Variants in SMARCA2 observed in about 807,000 individuals in gnomAD.
SMARCA2 encodes SWI/SNF-related matrix-associated actin-dependent regulator of chromatin subfamily A member 2.
Under a neutral mutation model 199.8 loss-of-function variants are expected in SMARCA2, and 61 were observed. The ratio of observed to expected loss-of-function variants is 0.31; its 90% confidence interval spans 0.25 to 0.38. The LOEUF (loss-of-function observed/expected upper bound fraction) is 0.38. Among genes scored for constraint, SMARCA2 ranks in the 10% least tolerant of loss-of-function variants. SMARCA2 has a pLI of 1.00. For synonymous variants in SMARCA2, 935 were observed against 732.0 expected (o/e 1.28, Z -4.48); for missense variants, 1,344 against 2,012.2 (o/e 0.67, Z 6.35).
intron 27 of SMARCA2, among the ~76,000 whole-genome samples, chr9:2,133,647 A>T (rs1474089536): frequency 7.8e-5 from 10 of 128,004 alleles, no homozygotes; most frequent in South Asian, 7.0e-4. Flanking sequence ...GTCAGGATTT[A>T]AAAAAAAAAA....
Position 2,169,762 on chromosome 9 carries a change from G to A in SMARCA2, c.4200-657G>A, listed in dbSNP as rs2129716065. Among the ~76,000 whole-genome samples the A allele has an allele frequency of 6.6e-6, 1 of 152,166 alleles. No individual in the cohort carries two copies. The highest frequency in any genetic ancestry group is 1.9e-4 in the East Asian group (1 of 5,196). On this transcript the variant is annotated intron_variant, in intron 28 of 33. Transcript: ENST00000349721. This position sits in a 1 kb window ranked among gnomAD's most constrained non-coding sequence, Gnocchi z 6.5. ...CACAAAAAGGGACACCAACCTAGCA[G>A]TTTCAAAAATCCTCAACTGAAGAGG...
chr9:2,058,031 T>C (rs1586657362), intron 7 of SMARCA2: 2 of 297,316 alleles, frequency 6.7e-6, no homozygotes, highest in East Asian at 1.1e-4. Context: ...TCCATTCTCA[T>C]GTGGCCACAC....
chr9:2,047,508 G>T, intron 5 of SMARCA2, 24 bp downstream of exon 5: 1 of 1,371,250 alleles, frequency 7.3e-7, no homozygotes, highest in Non-Finnish European at 9.5e-7. Flanking sequence ...CCAGCAAGGG[G>T]CCCCCTGCGG....
chr9:2,031,321 A>T (rs1438029955), intron 2 of SMARCA2, among the ~76,000 whole-genome samples: 2 of 152,228 alleles, frequency 1.3e-5, no homozygotes, highest in African/African-American at 2.4e-5. Flanking sequence ...ACATATTGAC[A>T]TCCAAGTCCT....
intron 9 of SMARCA2, among the ~76,000 whole-genome samples, chr9:2,064,551 G>C (rs1820744663): frequency 6.6e-6 from 1 of 152,170 alleles, no homozygotes; most frequent in African/African-American, 2.4e-5. Flanking sequence ...AACCTTTACT[G>C]CATATTCTTT....
At chr9:2,139,581 C>T (rs1824369364) in intron 27 of SMARCA2, among the ~76,000 whole-genome samples, 1 of 152,116 alleles carries the variant, frequency 6.6e-6, no homozygotes, top group African/African-American at 2.4e-5. Context: ...TTTTTATTTG[C>T]TGCCATTTTA....
chr9:2,038,361 C>G (rs1393415113), intron 3 of SMARCA2, among the ~76,000 whole-genome samples: 1 of 152,096 alleles, frequency 6.6e-6, no homozygotes, highest in Non-Finnish European at 1.5e-5. Flanking sequence ...CTTGATTCCC[C>G]TTACCATTTC....
intron 27 of SMARCA2, chr9:2,159,803 T>C: frequency 6.2e-7 from 1 of 1,607,688 alleles, no homozygotes; most frequent in Non-Finnish European, 8.5e-7. Flanking sequence ...TCTCTTTTTT[T>C]TCCTGATCAG....
chr9:2,177,510 G>GA (rs199515774), intron 29 of SMARCA2, among the ~76,000 whole-genome samples: 269 of 148,748 alleles, frequency 1.8e-3, no homozygotes, highest in African/African-American at 4.6e-3. Context: ...CCTGGTCCTG[G>GA]AAAAAAAAAT....
At chr9:2,021,639 T>A (rs559312763) in intron 1 of SMARCA2, among the ~76,000 whole-genome samples, 6 of 152,186 alleles carry the variant, frequency 3.9e-5, no homozygotes, top group Non-Finnish European at 8.8e-5. Flanking sequence ...TCACAATTAT[T>A]TTGTGGCTTG....
At chr9:2,022,953 A>G (rs561258982) in intron 1 of SMARCA2, among the ~76,000 whole-genome samples, 14 of 152,188 alleles carry the variant, frequency 9.2e-5, no homozygotes, top group Non-Finnish European at 1.8e-4. Flanking sequence ...ATAACTACTA[A>G]TGGACATGAG....
intron 24 of SMARCA2, among the ~76,000 whole-genome samples, chr9:2,112,968 C>G (rs1563776497): frequency 6.6e-6 from 1 of 152,166 alleles, no homozygotes; most frequent in Non-Finnish European, 1.5e-5. Flanking sequence ...CATTCACACC[C>G]ATGTCTGTTT....
intron 29 of SMARCA2, among the ~76,000 whole-genome samples, chr9:2,180,711 C>G: frequency 6.6e-6 from 1 of 152,180 alleles, no homozygotes; most frequent in Non-Finnish European, 1.5e-5. Context: ...TCTCTTTGTG[C>G]CTTTAACCAC....
intron 23 of SMARCA2, among the ~76,000 whole-genome samples, chr9:2,106,164 T>C (rs1438132825): frequency 6.6e-6 from 1 of 152,214 alleles, no homozygotes. Flanking sequence ...ATGATGCCCA[T>C]TTAAGGATGA....
At chr9:2,116,094 T>C (rs1823205972) in intron 25 of SMARCA2, 45 bp downstream of exon 25, 1 of 1,415,906 alleles carries the variant, frequency 7.1e-7, no homozygotes, top group Non-Finnish European at 9.9e-7. Context: ...CAGTGGCCTT[T>C]TGTCTCTGAA....
chr9:2,159,616 TA>T (rs1825560002), intron 27 of SMARCA2: 1 of 547,490 alleles, frequency 1.8e-6, no homozygotes. Flanking sequence ...CCTGGAATAA[TA>T]AGGGGAAAAA....
intron 4 of SMARCA2, among the ~76,000 whole-genome samples, chr9:2,046,909 C>G (rs193224635): frequency 6.6e-6 from 1 of 152,148 alleles, no homozygotes; most frequent in Non-Finnish European, 1.5e-5. Context: ...ATTAAGTCAC[C>G]GTCATTTTGG....
At chr9:2,120,153 A>C (rs1409500423) in intron 26 of SMARCA2, among the ~76,000 whole-genome samples, 1 of 152,260 alleles carries the variant, frequency 6.6e-6, no homozygotes, top group South Asian at 2.1e-4. Context: ...GATCAAAATC[A>C]GTTGGATTTC....
chr9:2,042,248 C>T (rs1222780194), intron 4 of SMARCA2: 1 of 152,078 alleles, frequency 6.6e-6, no homozygotes, highest in Non-Finnish European at 1.5e-5. Context: ...AAGTAGAGGC[C>T]AGCTGGTAAC....
Sources: allele counts gnomAD v4.1 joint callset (sites outside exome capture counted in the v4.1 genomes callset), GRCh38; gene constraint gnomAD v4.1.1; non-coding constraint Gnocchi (gnomAD v3.1); transcripts MANE v1.5; gene names NCBI Gene and HGNC (gene_info 2026-07-23, HGNC 2026-07-21).